The following RANBP17 variants were observed in gnomAD, a reference collection of about 807,000 sequenced individuals.
RANBP17 encodes the protein RAN binding protein 17.
A neutral mutation model predicts 141.2 loss-of-function variants in RANBP17; 158 were observed. The observed-to-expected ratio is 1.12, with a 90% CI of 0.98 to 1.28. The LOEUF is 1.28. Among genes scored for constraint, RANBP17 ranks in the 50% most tolerant of loss-of-function variants. RANBP17 has a pLI of 0.00. For synonymous variants in RANBP17, 430 were observed against 450.0 expected (o/e 0.96, Z 0.56); for missense variants, 1,438 against 1,290.7 (o/e 1.11, Z -1.75).
At chr5:171,151,635 T>C (rs759501375) in intron 14 of RANBP17, among the ~76,000 whole-genome samples, 3 of 152,210 alleles carry the variant, frequency 2.0e-5, no homozygotes, top group Non-Finnish European at 2.9e-5. Context: ...TGGTGGAAGG[T>C]AGTTCATTGA....
intron 12 of RANBP17, among the ~76,000 whole-genome samples, chr5:170,933,861 G>A (rs940426785): frequency 6.6e-6 from 1 of 152,124 alleles, no homozygotes; most frequent in Non-Finnish European, 1.5e-5. Context: ...GAATAAGTGC[G>A]ATGTGGTGCT....
At chr5:171,296,482 G>C (rs568964700) in intron 27 of RANBP17, among the ~76,000 whole-genome samples, 91 of 152,146 alleles carry the variant, frequency 6.0e-4, no homozygotes, top group Non-Finnish European at 1.0e-3. Flanking sequence ...GATTTGAAAT[G>C]TCCCCAGCAT....
intron 22 of RANBP17, among the ~76,000 whole-genome samples, chr5:171,234,986 T>A (rs934319997): frequency 2.1e-4 from 32 of 152,128 alleles, no homozygotes; most frequent in African/African-American, 4.8e-5. Context: ...AGAGGAAGAC[T>A]TAGGTTTGAG....
chr5:170,865,177 C>G (rs1245653658), intron 1 of RANBP17, among the ~76,000 whole-genome samples: 1 of 152,072 alleles, frequency 6.6e-6, no homozygotes, highest in East Asian at 1.9e-4. Context: ...ATTCTCTTGC[C>G]TCAGCCTCCT....
chr5:171,265,034 C>A (rs1420995969), intron 24 of RANBP17, among the ~76,000 whole-genome samples: 1 of 152,148 alleles, frequency 6.6e-6, no homozygotes. Flanking sequence ...ACCATGAGTT[C>A]TTTGACACCA....
At chr5:171,186,470 G>A (rs1761243060) in intron 18 of RANBP17, among the ~76,000 whole-genome samples, 2 of 150,798 alleles carry the variant, frequency 1.3e-5, no homozygotes, top group Admixed American at 1.3e-4. Context: ...AATAGAGTTA[G>A]GGCCTTGCTT....
chr5:171,089,128 C>G (rs1353371742), intron 14 of RANBP17, among the ~76,000 whole-genome samples: 1 of 151,358 alleles, frequency 6.6e-6, no homozygotes, highest in Non-Finnish European at 1.5e-5. Context: ...TGGTGATGTA[C>G]AGATGGGTTT....
At chr5:170,863,456 C>T (rs1397139295) in intron 1 of RANBP17, 1 of 152,074 alleles carries the variant, frequency 6.6e-6, no homozygotes, top group Non-Finnish European at 1.5e-5. Flanking sequence ...AAACCAGTTA[C>T]TGTCTGATAA....
chr5:171,057,105 C>A (rs762338250), intron 14 of RANBP17, among the ~76,000 whole-genome samples: 8 of 152,186 alleles, frequency 5.3e-5, no homozygotes, highest in Non-Finnish European at 1.0e-4. Context: ...CCTTTTATAG[C>A]CTTTTACAGC....
chr5:171,205,571 A>C lies in RANBP17; in HGVS notation c.2190A>C (p.Ala730=). 6.2e-7 allele frequency: 1 copy of C among 1,614,034 alleles called. No homozygotes were observed. The highest frequency in any genetic ancestry group is 8.5e-7 in the Non-Finnish European group (1 of 1,179,948). ...LARDLRGIAF[A]LNTKTSYTML... ...GAGATCTTCGAGGGATTGCCTTTGC[A>C]CTGAACACAAAGACCAGCTACACCA... Residue 730 remains alanine, a synonymous_variant, in exon 20 of 28, where the codon GCA becomes GCC. Coordinates refer to ENST00000523189, the MANE Select transcript of RANBP17 (RefSeq NM_022897.5).
intron 27 of RANBP17, among the ~76,000 whole-genome samples, chr5:171,298,147 C>T (rs139364540): frequency 1.8e-3 from 270 of 152,120 alleles, no homozygotes; most frequent in African/African-American, 5.6e-3. Context: ...CATGAGCCAC[C>T]GCACCCAGCC....
intron 14 of RANBP17, among the ~76,000 whole-genome samples, chr5:171,024,097 G>A (rs530982104): frequency 7.9e-5 from 12 of 152,250 alleles, no homozygotes; most frequent in African/African-American, 2.6e-4. Flanking sequence ...AACATTAACT[G>A]TATAGGCTTG....
At chr5:171,013,976 CACT>C (rs2127593834) in intron 14 of RANBP17, among the ~76,000 whole-genome samples, 1 of 152,198 alleles carries the variant, frequency 6.6e-6, no homozygotes, top group East Asian at 1.9e-4. Flanking sequence ...TATCTTCTCA[CACT>C]TCTATACAGT....
intron 27 of RANBP17, among the ~76,000 whole-genome samples, chr5:171,296,758 CA>C (rs755387448): frequency 2.0e-5 from 3 of 152,062 alleles, no homozygotes; most frequent in Non-Finnish European, 4.4e-5. Context: ...ACTAAAAACA[CA>C]AAAATTAGCT....
intron 12 of RANBP17, among the ~76,000 whole-genome samples, chr5:170,937,198 C>G (rs1420173924): frequency 6.6e-6 from 1 of 152,148 alleles, no homozygotes; most frequent in African/African-American, 2.4e-5. Context: ...ATTTTCATAT[C>G]ACACTGGTAG....
intron 14 of RANBP17, among the ~76,000 whole-genome samples, chr5:170,992,832 C>T (rs1287970389): frequency 6.6e-6 from 1 of 151,886 alleles, no homozygotes; most frequent in Non-Finnish European, 1.5e-5. Flanking sequence ...AAACTGAGGT[C>T]CCAGATTAGC....
chr5:171,250,557 A>G (rs1765493066), intron 24 of RANBP17, among the ~76,000 whole-genome samples: 1 of 151,844 alleles, frequency 6.6e-6, no homozygotes, highest in African/African-American at 2.4e-5. Flanking sequence ...AACTGATTTA[A>G]AAAAAAAATT....
At chr5:171,245,129 CAAA>C (rs953578587) in intron 24 of RANBP17, among the ~76,000 whole-genome samples, 7 of 142,918 alleles carry the variant, frequency 4.9e-5, no homozygotes, top group African/African-American at 1.8e-4. Context: ...ACTCTGTCTC[CAAA>C]AAAAAAAGAT....
intron 21 of RANBP17, among the ~76,000 whole-genome samples, chr5:171,216,347 C>T (rs1763217761): frequency 6.6e-6 from 1 of 152,134 alleles, no homozygotes; most frequent in Admixed American, 6.5e-5. Context: ...ATCCCTCCAG[C>T]TTTGTTCTTT....
Sources: gnomAD v4.1 joint callset for allele counts (sites outside exome capture counted in the v4.1 genomes callset) on GRCh38, gnomAD v4.1.1 for gene constraint, MANE v1.5 for transcripts, NCBI Gene and HGNC (gene_info 2026-07-23, HGNC 2026-07-21) for gene names.